The following MEIOB variants were observed in gnomAD, a reference collection of about 807,000 sequenced individuals.
MEIOB encodes the protein meiosis specific with OB-fold, also known as meiosis-specific with OB domain-containing protein.
A neutral mutation model predicts 53.1 loss-of-function variants in MEIOB; 50 were observed. The observed-to-expected ratio is 0.94, with a 90% CI of 0.75 to 1.19. The LOEUF is 1.19. Among genes scored for constraint, MEIOB ranks in the 50% most tolerant of loss-of-function variants. MEIOB has a pLI of 0.00. For missense variants in MEIOB, 551 were observed against 550.8 expected (o/e 1.00, Z 0.00); for synonymous variants, 192 against 182.5 (o/e 1.05, Z -0.42).
chr16:1,849,995 T>C (rs913780454), intron 9 of MEIOB, among the ~76,000 whole-genome samples: 3 of 152,230 alleles, frequency 2.0e-5, no homozygotes, highest in African/African-American at 4.8e-5. Flanking sequence ...AGTTAAGCAA[T>C]AAATAATAAA....
chr16:1,835,762 T>G (rs1898727219), intron 13 of MEIOB, among the ~76,000 whole-genome samples: 1 of 152,222 alleles, frequency 6.6e-6, no homozygotes, highest in Non-Finnish European at 1.5e-5. Flanking sequence ...GAAGATGCAC[T>G]GCTTCTGCCC....
At chr16:1,854,037 A>G in intron 7 of MEIOB, 63 bp downstream of exon 7, 1 of 919,144 alleles carries the variant, frequency 1.1e-6, no homozygotes, top group Non-Finnish European at 1.7e-6. Flanking sequence ...TTTTTGATAA[A>G]ATGAAAATGT....
chr16:1,863,693 G>A (rs1205421226), intron 3 of MEIOB, among the ~76,000 whole-genome samples: 2 of 150,816 alleles, frequency 1.3e-5, no homozygotes, highest in Non-Finnish European at 2.9e-5. Flanking sequence ...TTTTTTAGTA[G>A]AGGTGGGGAA....
At chr16:1,841,531 A>G (rs994502502) in intron 11 of MEIOB, among the ~76,000 whole-genome samples, 7 of 152,318 alleles carry the variant, frequency 4.6e-5, no homozygotes, top group Non-Finnish European at 1.0e-4. Flanking sequence ...GGGCCTAGCA[A>G]CCAAAATAGC....
chr16:1,848,753 G>A (rs570814301), intron 9 of MEIOB, among the ~76,000 whole-genome samples: 5 of 151,818 alleles, frequency 3.3e-5, no homozygotes, highest in African/African-American at 7.2e-5. Context: ...CATGTTGACC[G>A]GGCTGGTCTT....
At position 1,841,984 on chromosome 16, in the gene MEIOB, A is replaced by G; in HGVS notation, c.881-11T>C. On this transcript the variant is annotated splice_polypyrimidine_tract_variant and intron_variant, in intron 10 of 13. Coordinates refer to ENST00000325962, the MANE Select transcript of MEIOB (RefSeq NM_001163560.3). Reference sequence around the variant, plus strand: ...CAACTATTGTACTTACTAAAAACAGAAAGAAGTATTACAGTTCTGTATATA... The same window carrying G: ...CAACTATTGTACTTACTAAAAACAGGAAGAAGTATTACAGTTCTGTATATA... 1 of 1,530,530 alleles carries G rather than the reference A, an allele frequency of 6.5e-7. No homozygotes were observed. Among genetic ancestry groups the G allele is most frequent in the South Asian group, 1.3e-5 (1 of 75,632 alleles). 94.8% of individuals were successfully genotyped at this position (1,530,530 alleles called of 1,614,324 possible).
At chr16:1,866,720 C>T (rs1006740067) in intron 2 of MEIOB, among the ~76,000 whole-genome samples, 6 of 112,890 alleles carry the variant, frequency 5.3e-5, no homozygotes, top group African/African-American at 2.1e-4. Flanking sequence ...GACTCCATCG[C>T]AAAAAATAAA....
rs982496275 is a variant in MEIOB at position 1,868,167 on chromosome 16, G to T, written c.9C>A (p.Asn3Lys). Reference sequence around the variant, plus strand: ...TAGTGAAAATCCTCGCTGCAAAGGAGTTTGCCATTTTTTTAATCTGCATTT... The same window carrying T: ...TAGTGAAAATCCTCGCTGCAAAGGATTTTGCCATTTTTTTAATCTGCATTT... MA[N>K]SFAARIFTTL... is the part of the protein sequence containing the mutation. The change falls in exon 2 of 14, where the codon AAC (asparagine) becomes AAA (lysine). Residue 3 changes from asparagine (N) to lysine (K), a missense_variant. Coordinates refer to ENST00000325962, the MANE Select transcript of MEIOB (RefSeq NM_001163560.3). 2.6e-6 allele frequency: 4 copies of T among 1,523,168 alleles called. No homozygotes were observed. The Admixed American group carries it at 7.9e-5, about 30-fold the overall frequency. 94.4% of individuals were successfully genotyped at this position (1,523,168 alleles called of 1,614,324 possible).
intron 12 of MEIOB, 87 bp downstream of exon 12, chr16:1,839,168 A>C: frequency 7.1e-7 from 1 of 1,414,342 alleles, no homozygotes; most frequent in South Asian, 1.6e-5. Flanking sequence ...ATTTCTATCA[A>C]ATGTTTGACA....
In MEIOB at chr16:1,857,847, A is replaced by G; in HGVS notation, c.416T>C (p.Leu139Ser). 1.3e-6 allele frequency: 2 copies of G among 1,551,454 alleles called. No homozygotes were observed. The highest frequency in any genetic ancestry group is 1.7e-6 in the Non-Finnish European group (2 of 1,146,666). The change falls in exon 6 of 14, where the codon TTG (leucine) becomes TCG (serine). Residue 139 changes from leucine to serine, a missense_variant. Coordinates refer to ENST00000325962, the MANE Select transcript of MEIOB (RefSeq NM_001163560.3). ...AGACTCTTTAACAGGTAAATGTATCAAAGAAAGTAACTTTGTGTCCACTTC... is the reference window on the plus strand; with the variant it reads ...AGACTCTTTAACAGGTAAATGTATCGAAGAAAGTAACTTTGTGTCCACTTC... ...SYEVDTKLLSLIHLPVKESHD... is the reference protein window; with the variant it reads ...SYEVDTKLLSSIHLPVKESHD...
chr16:1,863,450 G>A (rs1304320309), intron 3 of MEIOB, among the ~76,000 whole-genome samples: 2 of 151,446 alleles, frequency 1.3e-5, no homozygotes, highest in Non-Finnish European at 2.9e-5. Context: ...GCAATGGCGC[G>A]ATCTCAGCTC....
intron 9 of MEIOB, among the ~76,000 whole-genome samples, chr16:1,845,548 A>C (rs745860283): frequency 1.6e-4 from 24 of 152,020 alleles, no homozygotes; most frequent in Admixed American, 5.2e-4. Context: ...TAAATGCAAA[A>C]TTATCTGGAA....
intron 9 of MEIOB, among the ~76,000 whole-genome samples, chr16:1,852,787 C>T (rs963413775): frequency 2.0e-5 from 3 of 151,794 alleles, no homozygotes; most frequent in Non-Finnish European, 4.4e-5. Context: ...AACTCCTGAC[C>T]TCAGGTGATC....
chr16:1,834,703 C>T (rs915371274), intron 13 of MEIOB, among the ~76,000 whole-genome samples: 7 of 152,072 alleles, frequency 4.6e-5, no homozygotes, highest in African/African-American at 9.7e-5. Context: ...GAGGCCAAGG[C>T]GGGTGGATCA....
At position 1,861,975 on chromosome 16, in the gene MEIOB, G is replaced by A; in HGVS notation, c.259+10C>T. ...TGATGGAAAAAGTTTAAGAATCAAT[G>A]CCAACTTACCACAGTCACCAACCCT... On this transcript the variant is annotated intron_variant, in intron 4 of 13. Transcript: ENST00000325962. The A allele has an allele frequency of 6.5e-7, 1 of 1,548,160 alleles. No homozygotes were observed. Among genetic ancestry groups the A allele is most frequent in the Middle Eastern group, 1.7e-4 (1 of 5,984 alleles).
rs1168779726 is a variant in MEIOB at position 1,853,281 on chromosome 16, T to C, written c.630-10A>G. 6.5e-7 allele frequency: 1 copy of C among 1,542,278 alleles called. No homozygotes were observed. Among genetic ancestry groups the C allele is most frequent in the Non-Finnish European group, 8.8e-7 (1 of 1,138,400 alleles). ...GGATTCATTATCCCAACTGCATTTG[T>C]TTAAAAAGAAGTAATACAAATTGAA... On this transcript the variant is annotated splice_polypyrimidine_tract_variant and intron_variant, in intron 7 of 13. Coordinates refer to ENST00000325962, the MANE Select transcript of MEIOB (RefSeq NM_001163560.3).
Position 1,844,766 on chromosome 16 carries a change from A to C in MEIOB, c.880+96T>G, listed in dbSNP as rs539154649. On this transcript the variant is annotated intron_variant, in intron 10 of 13. Transcript: ENST00000325962. Reference sequence around the variant, plus strand: ...GAAAGTAGAAATATAGTAGTTACAGAATAGGAATCTGGTATCTTTTACCAT... The same window carrying C: ...GAAAGTAGAAATATAGTAGTTACAGCATAGGAATCTGGTATCTTTTACCAT... 73 of 630,064 alleles carry C rather than the reference A, an allele frequency of 1.2e-4. 1 individual carries two copies. Among genetic ancestry groups the C allele is most frequent in the South Asian group, 1.1e-3 (58 of 53,700 alleles). 39.0% of individuals were successfully genotyped at this position (630,064 alleles called of 1,614,324 possible). A position where few individuals can be genotyped will look rare whatever the true frequency, so the allele number is the denominator to read the frequency against.
intron 9 of MEIOB, among the ~76,000 whole-genome samples, chr16:1,846,539 T>C (rs1899030041): frequency 6.6e-6 from 1 of 152,016 alleles, no homozygotes. Context: ...AGCAAAGACA[T>C]GGAACCAGCC....
At chr16:1,869,822 C>T (rs1487706871) in intron 1 of MEIOB, among the ~76,000 whole-genome samples, 5 of 151,476 alleles carry the variant, frequency 3.3e-5, no homozygotes, top group South Asian at 2.1e-4. Flanking sequence ...CAAAAATCTA[C>T]GTAAACACCT....
Sources: gnomAD v4.1 joint callset for allele counts (sites outside exome capture counted in the v4.1 genomes callset) on GRCh38, gnomAD v4.1.1 for gene constraint, MANE v1.5 for transcripts, NCBI Gene and HGNC (gene_info 2026-07-23, HGNC 2026-07-21) for gene names.